Variants in STAU2 observed in about 807,000 individuals in gnomAD.
STAU2 encodes double-stranded RNA-binding protein Staufen homolog 2.
A neutral mutation model predicts 65.9 loss-of-function variants in STAU2; 20 were observed. The observed-to-expected ratio is 0.30, with a 90% CI of 0.21 to 0.44. STAU2 has a LOEUF of 0.44. Ranked by LOEUF, STAU2 falls within the 20% of genes least tolerant of loss-of-function variation. The probability of loss-of-function intolerance (pLI) is 1.00; values close to 1 mark genes in which losing one functional copy is unlikely to be tolerated. For synonymous variants in STAU2, 232 were observed against 233.9 expected (o/e 0.99, Z 0.07); for missense variants, 558 against 683.9 (o/e 0.82, Z 2.05).
Position 73,475,438 on chromosome 8 carries a change from C to A in STAU2, c.1531-52736G>T, listed in dbSNP as rs997409680. Among the ~76,000 whole-genome samples the A allele has an allele frequency of 3.9e-5, 6 of 151,984 alleles. No individual in the cohort carries two copies. The East Asian group carries it at 1.2e-3, about 29-fold the overall frequency. On this transcript the variant is annotated intron_variant, in intron 13 of 14. Coordinates refer to ENST00000524300, the MANE Select transcript of STAU2 (RefSeq NM_001164380.2). The stretch of plus-strand genomic sequence containing the variant: ...GCTTCGAGGCTTTGCAGCTGAGACC[C>A]GGAACATATGAATGAGTATTTTACT...
intron 6 of STAU2, among the ~76,000 whole-genome samples, chr8:73,654,664 A>AAAAAAAAAAAAAAT (rs1554556802): frequency 2.4e-5 from 3 of 122,984 alleles, no homozygotes. Flanking sequence ...AAAAAAAAGA[A>AAAAAAAAAAAAAAT]CTCTTTTAAT....
chr8:73,546,119 TTTTC>T (rs1449584262), intron 13 of STAU2, among the ~76,000 whole-genome samples: 3 of 105,016 alleles, frequency 2.9e-5, no homozygotes, highest in Non-Finnish European at 5.9e-5. Flanking sequence ...TTTTGTTTGG[TTTTC>T]TTTTTTTTTT....
chr8:73,576,005 T>C (rs1809518887), intron 12 of STAU2, among the ~76,000 whole-genome samples: 3 of 152,112 alleles, frequency 2.0e-5, no homozygotes, highest in Admixed American at 1.3e-4. Flanking sequence ...AAATTCATCA[T>C]CAAAAATGAA....
At chr8:73,666,024 C>T (rs1194009227) in intron 6 of STAU2, among the ~76,000 whole-genome samples, 1 of 152,072 alleles carries the variant, frequency 6.6e-6, no homozygotes, top group Non-Finnish European at 1.5e-5. Context: ...ATGCAACCAC[C>T]CTTTTTTTCC....
intron 13 of STAU2, among the ~76,000 whole-genome samples, chr8:73,495,662 A>AATATATATAT (rs3032943): frequency 0.016 from 2,146 of 132,368 alleles, 84 homozygotes; most frequent in African/African-American, 0.055. Flanking sequence ...CATAAAGCCA[A>AATATATATAT]ATATATATAT....
rs115350900 is a variant in STAU2 at position 73,564,117 on chromosome 8, G to A, written c.1223-11798C>T. Among the ~76,000 whole-genome samples the A allele has an allele frequency of 3.8e-3, 579 of 152,204 alleles. 4 individuals are homozygous for A. Among genetic ancestry groups the A allele is most frequent in the African/African-American group, 0.013 (555 of 41,528 alleles). On this transcript the variant is annotated intron_variant, in intron 12 of 14. Coordinates refer to ENST00000524300, the MANE Select transcript of STAU2 (RefSeq NM_001164380.2). ...ATTCCAGATCACAACTTCTCCCTTG[G>A]GGTAAAGGTGAGTGGAATGTGCATC... is the stretch of plus-strand genomic sequence containing the variant.
At chr8:73,641,075 GTTATA>G (rs1222172053) in intron 6 of STAU2, among the ~76,000 whole-genome samples, 4 of 152,166 alleles carry the variant, frequency 2.6e-5, no homozygotes, top group African/African-American at 7.2e-5. Context: ...AAAGTTATTA[GTTATA>G]TTATGCCAAA....
At chr8:73,683,786 C>G (rs918838728) in intron 5 of STAU2, among the ~76,000 whole-genome samples, 1 of 152,098 alleles carries the variant, frequency 6.6e-6, no homozygotes, top group Non-Finnish European at 1.5e-5. Flanking sequence ...TAAACGTACA[C>G]AAGTCAGTAG....
chr8:73,724,600 A>T (rs1489580007), intron 3 of STAU2, among the ~76,000 whole-genome samples: 2 of 151,146 alleles, frequency 1.3e-5, no homozygotes, highest in East Asian at 1.9e-4. Flanking sequence ...GTCTAACTTA[A>T]GTGTTCTGAG....
intron 13 of STAU2, among the ~76,000 whole-genome samples, chr8:73,522,869 G>A (rs569703406): frequency 6.6e-6 from 1 of 152,174 alleles, no homozygotes; most frequent in East Asian, 1.9e-4. Context: ...AGACAGGAGT[G>A]GGCTTAGACC....
At chr8:73,464,783 C>T (rs1280758665) in intron 13 of STAU2, among the ~76,000 whole-genome samples, 1 of 152,164 alleles carries the variant, frequency 6.6e-6, no homozygotes, top group Non-Finnish European at 1.5e-5. Context: ...TAATAACATG[C>T]TTAACAGAAA....
chr8:73,525,117 C>T (rs375057528), intron 13 of STAU2, among the ~76,000 whole-genome samples: 57 of 152,318 alleles, frequency 3.7e-4, no homozygotes, highest in African/African-American at 1.3e-3. Context: ...GATGATTATT[C>T]CTGTCCAACA....
At chr8:73,660,297 G>T (rs1563489159) in intron 6 of STAU2, among the ~76,000 whole-genome samples, 1 of 152,166 alleles carries the variant, frequency 6.6e-6, no homozygotes, top group Non-Finnish European at 1.5e-5. Context: ...GGGCATGGTG[G>T]TGCATGCCTG....
chr8:73,615,909 G>C, intron 7 of STAU2, 127 bp from the exon 8 acceptor site: 1 of 648,102 alleles, frequency 1.5e-6, no homozygotes, highest in African/African-American at 1.8e-5. Context: ...TGTATCTGCT[G>C]CATTCTCCTG....
chr8:73,630,751 A>T (rs998271450), intron 6 of STAU2, among the ~76,000 whole-genome samples: 1 of 152,162 alleles, frequency 6.6e-6, no homozygotes, highest in African/African-American at 2.4e-5. Context: ...CCTATGCAAG[A>T]TACATGCTGT....
At chr8:73,545,587 C>T (rs1806852770) in intron 13 of STAU2, among the ~76,000 whole-genome samples, 1 of 150,056 alleles carries the variant, frequency 6.7e-6, no homozygotes, top group Non-Finnish European at 1.5e-5. Flanking sequence ...TAAAATTTTA[C>T]ATTAGAATAA....
chr8:73,587,057 C>T (rs1021052997), intron 11 of STAU2, among the ~76,000 whole-genome samples: 1 of 151,690 alleles, frequency 6.6e-6, no homozygotes. Flanking sequence ...TCTCAGAACC[C>T]CTGAGAAAAT....
At chr8:73,620,134 C>T (rs1311631521) in intron 6 of STAU2, among the ~76,000 whole-genome samples, 1 of 152,088 alleles carries the variant, frequency 6.6e-6, no homozygotes, top group East Asian at 1.9e-4. Flanking sequence ...ATCTGACAGA[C>T]TAATATGAAT....
In STAU2 at chr8:73,445,851, A is replaced by T. The variant is rs1364254271; in HGVS notation, c.1531-23149T>A. Among the ~76,000 whole-genome samples, 7 of 152,332 alleles carry T rather than the reference A, an allele frequency of 4.6e-5. No homozygotes were observed. The East Asian group carries it at 1.3e-3, about 29-fold the overall frequency. ...CCATACGCTAGAGAAGATTCGGGGG[A>T]ACTAGATCCTCAGCCACTTCTGATG... On this transcript the variant is annotated intron_variant, in intron 13 of 14. Coordinates refer to ENST00000524300, the MANE Select transcript of STAU2 (RefSeq NM_001164380.2).
Sources: allele counts gnomAD v4.1 joint callset (sites outside exome capture counted in the v4.1 genomes callset), GRCh38; gene constraint gnomAD v4.1.1; transcripts MANE v1.5; gene names NCBI Gene and HGNC (gene_info 2026-07-23, HGNC 2026-07-21).